EYS: variants seen among roughly 807,000 people sequenced by gnomAD.
EYS encodes the protein EGF-like photoreceptor maintenance factor, also known as protein eyes shut homolog.
EYS carries 250 observed loss-of-function variants against 282.1 expected under a neutral mutation model. That is an observed-to-expected ratio of 0.89 (90% CI 0.80 to 0.98). The LOEUF (loss-of-function observed/expected upper bound fraction) is 0.98. EYS is among the 50% of genes least tolerant of loss of function. EYS has a pLI of 0.00. For missense variants in EYS, 4,016 were observed against 3,709.0 expected (o/e 1.08, Z -2.15); for synonymous variants, 1,355 against 1,282.9 (o/e 1.06, Z -1.20).
chr6:65,644,679 C>A (rs1767392715), intron 1 of EYS, among the ~76,000 whole-genome samples: 1 of 152,140 alleles, frequency 6.6e-6, no homozygotes, highest in South Asian at 2.1e-4. Flanking sequence ...CATCACGTAA[C>A]CTATAAAGAA....
At chr6:63,771,176 C>A (rs1046847265) in intron 40 of EYS, among the ~76,000 whole-genome samples, 3 of 152,042 alleles carry the variant, frequency 2.0e-5, no homozygotes, top group Non-Finnish European at 4.4e-5. Context: ...AGACAGTGGA[C>A]CCTGGTTGCA....
chr6:65,465,092 C>A (rs533460454), intron 5 of EYS, among the ~76,000 whole-genome samples: 1 of 151,976 alleles, frequency 6.6e-6, no homozygotes, highest in African/African-American at 2.4e-5. Context: ...ATAAGAAAAA[C>A]CTTTTGCCAT....
rs187904900 is a variant in EYS, at chr6:64,659,671, C to T, written c.3444-33426G>A. Among the ~76,000 whole-genome samples the T allele has an allele frequency of 8.3e-4, 126 of 152,140 alleles. 1 individual carries two copies. Among genetic ancestry groups the T allele is most frequent in the African/African-American group, 2.8e-3 (118 of 41,490 alleles). On this transcript the variant is annotated intron_variant, in intron 22 of 42. Coordinates refer to ENST00000503581, the MANE Select transcript of EYS (RefSeq NM_001142800.2). ...TAAATTCCTTGACACATACACCCTC[C>T]CAAGACTAAACCAGGAAGAAGTTGA... is the stretch of plus-strand genomic sequence containing the variant.
chr6:65,418,867 G>A (rs1167948045), intron 5 of EYS, among the ~76,000 whole-genome samples: 1 of 151,936 alleles, frequency 6.6e-6, no homozygotes, highest in Non-Finnish European at 1.5e-5. Flanking sequence ...AATACTAAAA[G>A]TATGGTCTCA....
intron 12 of EYS, among the ~76,000 whole-genome samples, chr6:65,090,615 G>T (rs546138407): frequency 6.6e-6 from 1 of 152,250 alleles, no homozygotes; most frequent in East Asian, 1.9e-4. Context: ...AATGGAAACA[G>T]AAGAGAAGTT....
chr6:65,571,362 C>T (rs1764471959), intron 2 of EYS, among the ~76,000 whole-genome samples: 1 of 151,984 alleles, frequency 6.6e-6, no homozygotes, highest in Non-Finnish European at 1.5e-5. Context: ...GGCAGATTTA[C>T]GTCAGTGCCT....
chr6:64,540,834 A>G (rs1418008789), intron 26 of EYS, among the ~76,000 whole-genome samples: 1 of 152,128 alleles, frequency 6.6e-6, no homozygotes, highest in Non-Finnish European at 1.5e-5. Flanking sequence ...ACAATTTTAT[A>G]TTACATGGCA....
Position 64,896,102 on chromosome 6 carries a change from C to T in EYS, c.2846+6011G>A, listed in dbSNP as rs1583271217. On this transcript the variant is annotated intron_variant, in intron 18 of 42. Transcript: ENST00000503581. ...TCATATATAAGGATTCTTACAAAGCCATAAGAAGAAAAAACATTAAAGAGC... is the reference window on the plus strand; with the variant it reads ...TCATATATAAGGATTCTTACAAAGCTATAAGAAGAAAAAACATTAAAGAGC... Among the ~76,000 whole-genome samples, 6 of 152,032 alleles carry T rather than the reference C, an allele frequency of 3.9e-5. No homozygotes were observed. The Middle Eastern group carries it at 0.014, about 347-fold the overall frequency.
rs34154043 is a variant in EYS, at chr6:65,405,388, GA to G, written c.863-22del. ...TGGACCTTAAAAAAATCACACACAA[GA>G]AAAAAAAAGAAAAGGAAGGAAGGAA... On this transcript the variant is annotated intron_variant, in intron 5 of 42. Transcript: ENST00000503581. The G allele has an allele frequency of 3.0e-3, 4,409 of 1,485,430 alleles. 27 individuals carry two copies. The highest frequency in any genetic ancestry group is 4.2e-3 in the Admixed American group (221 of 53,180). The allele number at this position is 1,485,430 out of a possible 1,614,324, so 92.0% of individuals were successfully genotyped here. A position where few individuals can be genotyped will look rare whatever the true frequency, so the allele number is the denominator to read the frequency against.
At chr6:65,555,551 T>C (rs971599707) in intron 2 of EYS, among the ~76,000 whole-genome samples, 1 of 152,178 alleles carries the variant, frequency 6.6e-6, no homozygotes, top group Non-Finnish European at 1.5e-5. Flanking sequence ...TTTGACACTT[T>C]TATTAAAAAC....
chr6:65,249,483 T>G (rs1582062574), intron 12 of EYS, among the ~76,000 whole-genome samples: 1 of 152,010 alleles, frequency 6.6e-6, no homozygotes, highest in Non-Finnish European at 1.5e-5. Context: ...AGTTAGAATT[T>G]TATTGGAAAA....
chr6:64,803,063 T>C (rs1354540286), intron 22 of EYS, among the ~76,000 whole-genome samples: 1 of 152,158 alleles, frequency 6.6e-6, no homozygotes, highest in Non-Finnish European at 1.5e-5. Context: ...ACGAGGGGAA[T>C]GCAGTGGTTC....
chr6:64,617,581 A>G, intron 23 of EYS, 48 bp from the exon 24 acceptor site: 1 of 1,057,394 alleles, frequency 9.5e-7, no homozygotes, highest in South Asian at 1.4e-5. Flanking sequence ...AATGATAATA[A>G]AAACAGTTAT....
At chr6:65,476,724 G>A (rs1188515724) in intron 5 of EYS, among the ~76,000 whole-genome samples, 3 of 151,812 alleles carry the variant, frequency 2.0e-5, no homozygotes, top group Admixed American at 6.6e-5. Context: ...CTACAGGCGC[G>A]TGCCACCAGG....
At chr6:64,858,821 T>C (rs1255116190) in intron 19 of EYS, among the ~76,000 whole-genome samples, 1 of 152,022 alleles carries the variant, frequency 6.6e-6, no homozygotes, top group African/African-American at 2.4e-5. Flanking sequence ...AGATTAAGCA[T>C]AAAGGGAATG....
intron 36 of EYS, among the ~76,000 whole-genome samples, chr6:63,833,570 A>G (rs1237108000): frequency 1.3e-5 from 2 of 152,220 alleles, no homozygotes; most frequent in Non-Finnish European, 2.9e-5. Context: ...GGACACAAAC[A>G]AATGGAAGAC....
intron 11 of EYS, among the ~76,000 whole-genome samples, chr6:65,297,074 AG>A (rs1188907175): frequency 4.0e-5 from 6 of 151,568 alleles, no homozygotes; most frequent in African/African-American, 1.4e-4. Flanking sequence ...CTCTATATCT[AG>A]GCATAGTTAT....
At chr6:65,658,443 C>G (rs1364270771) in intron 1 of EYS, among the ~76,000 whole-genome samples, 1 of 151,626 alleles carries the variant, frequency 6.6e-6, no homozygotes. Flanking sequence ...ATTCCTGCAA[C>G]TCTTCCATAA....
At chr6:65,106,935 C>T (rs1775056998) in intron 12 of EYS, among the ~76,000 whole-genome samples, 1 of 151,914 alleles carries the variant, frequency 6.6e-6, no homozygotes, top group South Asian at 2.1e-4. Flanking sequence ...AGAAAAAGAA[C>T]TTAATATTAT....
Sources: allele counts gnomAD v4.1 joint callset (sites outside exome capture counted in the v4.1 genomes callset), GRCh38; gene constraint gnomAD v4.1.1; transcripts MANE v1.5; gene names NCBI Gene and HGNC (gene_info 2026-07-23, HGNC 2026-07-21).